The following CNTN5 variants were observed in gnomAD, a reference collection of about 807,000 sequenced individuals.
The protein encoded by CNTN5 is contactin 5, also known as contactin-5.
Under a neutral mutation model 129.1 loss-of-function variants are expected in CNTN5, and 77 were observed. That is an observed-to-expected ratio of 0.60 (90% CI 0.50 to 0.72). The LOEUF (loss-of-function observed/expected upper bound fraction) is 0.72. Ranked by LOEUF, CNTN5 falls within the 30% of genes least tolerant of loss-of-function variation. The pLI, the probability that CNTN5 is intolerant of heterozygous loss-of-function variation, is 0.00. For missense variants in CNTN5, 1,478 were observed against 1,328.8 expected (o/e 1.11, Z -1.75); for synonymous variants, 509 against 465.6 (o/e 1.09, Z -1.20).
intron 15 of CNTN5, among the ~76,000 whole-genome samples, chr11:100,215,559 G>A (rs187278000): frequency 1.5e-4 from 23 of 152,240 alleles, no homozygotes; most frequent in East Asian, 1.4e-3. Context: ...ATGTTCAGCC[G>A]TAATAAAATA....
Position 100,323,642 on chromosome 11 carries a change from C to A in CNTN5, c.2730+15174C>A, listed in dbSNP as rs1944162. Among the ~76,000 whole-genome samples, 1,131 of 134,522 alleles carry A rather than the reference C, an allele frequency of 8.4e-3. 17 individuals are homozygous for A. The highest frequency in any genetic ancestry group is 0.032 in the African/African-American group (1,051 of 33,188). The allele number at this position is 134,522 out of a possible 152,430, so 88.3% of individuals were successfully genotyped here. On this transcript the variant is annotated intron_variant, in intron 21 of 24. Transcript: ENST00000524871. ...CAGTATTTATATGTCCTCCTCCCCC[C>A]CCCTTCTTTTCATCACTCTTGATTA...
At chr11:99,694,328 T>C (rs1422855624) in intron 3 of CNTN5, among the ~76,000 whole-genome samples, 1 of 152,156 alleles carries the variant, frequency 6.6e-6, no homozygotes, top group African/African-American at 2.4e-5. Context: ...TATCTATGGC[T>C]GTTCCCACAT....
At chr11:99,434,097 T>A (rs1443415082) in intron 2 of CNTN5, among the ~76,000 whole-genome samples, 1 of 152,172 alleles carries the variant, frequency 6.6e-6, no homozygotes, top group Non-Finnish European at 1.5e-5. Context: ...AATATAATCT[T>A]CGGCTGAAAA....
intron 3 of CNTN5, among the ~76,000 whole-genome samples, chr11:99,789,241 G>A (rs1945650669): frequency 6.6e-6 from 1 of 151,816 alleles, no homozygotes; most frequent in African/African-American, 2.4e-5. Context: ...ACCAGACAAT[G>A]TACTCAAAAA....
chr11:100,047,265 G>A (rs1942730211), intron 9 of CNTN5, among the ~76,000 whole-genome samples: 1 of 151,900 alleles, frequency 6.6e-6, no homozygotes, highest in Admixed American at 6.6e-5. Flanking sequence ...GAACACCATG[G>A]TTCACTCAGT....
chr11:99,954,519 G>A (rs7947050), intron 7 of CNTN5, among the ~76,000 whole-genome samples: 125,247 of 152,118 alleles, frequency 0.82, 51,665 homozygotes, highest in South Asian at 0.86. Flanking sequence ...AGAAAGTGGT[G>A]TATGAAGCTA....
chr11:100,292,667 G>T (rs924452292), intron 18 of CNTN5, among the ~76,000 whole-genome samples: 1 of 151,918 alleles, frequency 6.6e-6, no homozygotes, highest in African/African-American at 2.4e-5. Flanking sequence ...GGGTTGGAGG[G>T]AGATGCCATA....
chr11:99,793,532 T>G (rs1006578084), intron 3 of CNTN5, among the ~76,000 whole-genome samples: 2 of 152,196 alleles, frequency 1.3e-5, no homozygotes, highest in Admixed American at 1.3e-4. Context: ...TTTGAGATCT[T>G]GCTAAATTTT....
At chr11:99,696,414 C>G (rs1954271981) in intron 3 of CNTN5, among the ~76,000 whole-genome samples, 1 of 151,942 alleles carries the variant, frequency 6.6e-6, no homozygotes, top group Non-Finnish European at 1.5e-5. Flanking sequence ...TTTGGAAAGT[C>G]CTCAGCAAGA....
At chr11:100,310,914 T>C (rs1267001211) in intron 21 of CNTN5, among the ~76,000 whole-genome samples, 2 of 151,962 alleles carry the variant, frequency 1.3e-5, no homozygotes, top group East Asian at 3.9e-4. Flanking sequence ...AGGATGATGA[T>C]GAAGAGATTA....
At chr11:99,241,317 G>GTTTTT (rs1565430527) in intron 1 of CNTN5, among the ~76,000 whole-genome samples, 16 of 60,128 alleles carry the variant, frequency 2.7e-4, no homozygotes, top group African/African-American at 8.9e-4. Flanking sequence ...TTTGATTGTT[G>GTTTTT]GTTTTTTTTT....
At chr11:99,761,474 T>C (rs1459210471) in intron 3 of CNTN5, among the ~76,000 whole-genome samples, 1 of 151,908 alleles carries the variant, frequency 6.6e-6, no homozygotes, top group Non-Finnish European at 1.5e-5. Context: ...GTCCATGTGG[T>C]CTCATTGTTC....
At chr11:99,409,081 G>A (rs928295869) in intron 2 of CNTN5, among the ~76,000 whole-genome samples, 3 of 152,054 alleles carry the variant, frequency 2.0e-5, no homozygotes, top group African/African-American at 7.2e-5. Flanking sequence ...TAATTATGTG[G>A]CCATTCTTAC....
intron 1 of CNTN5, among the ~76,000 whole-genome samples, chr11:99,201,045 T>C (rs865894581): frequency 3.4e-4 from 45 of 132,196 alleles, no homozygotes; most frequent in South Asian, 5.2e-4. Context: ...TTTTTTTTTT[T>C]CCAGAGTCTT....
At chr11:99,623,557 A>T (rs1040358471) in intron 3 of CNTN5, among the ~76,000 whole-genome samples, 1 of 152,092 alleles carries the variant, frequency 6.6e-6, no homozygotes, top group Admixed American at 6.6e-5. Flanking sequence ...CTCTCCACAG[A>T]TAAATTACTG....
intron 2 of CNTN5, among the ~76,000 whole-genome samples, chr11:99,555,117 T>G (rs1948622116): frequency 6.6e-6 from 1 of 152,062 alleles, no homozygotes. Context: ...AATTCCTTTC[T>G]TTGACATAAC....
chr11:99,620,709 C>T (rs1296108408), intron 3 of CNTN5, among the ~76,000 whole-genome samples: 3 of 151,054 alleles, frequency 2.0e-5, no homozygotes, highest in Non-Finnish European at 4.4e-5. Flanking sequence ...GCTAGGCCCC[C>T]GCTCCCCCCC....
chr11:99,313,344 C>A (rs566223560), intron 1 of CNTN5, among the ~76,000 whole-genome samples: 1 of 152,108 alleles, frequency 6.6e-6, no homozygotes, highest in Admixed American at 6.6e-5. Flanking sequence ...ATTTTCACTT[C>A]TTTTGCTTAT....
chr11:100,153,829 T>C (rs187503851), intron 13 of CNTN5, among the ~76,000 whole-genome samples: 14 of 152,160 alleles, frequency 9.2e-5, no homozygotes, highest in African/African-American at 1.7e-4. Context: ...TTTGTTTATA[T>C]ATGGAATAGA....
Sources: gnomAD v4.1 joint callset for allele counts (sites outside exome capture counted in the v4.1 genomes callset) on GRCh38, gnomAD v4.1.1 for gene constraint, MANE v1.5 for transcripts, NCBI Gene and HGNC (gene_info 2026-07-23, HGNC 2026-07-21) for gene names.